The following RYR2 variants were observed in gnomAD, a reference collection of about 807,000 sequenced individuals.
RYR2 encodes the protein cardiac muscle ryanodine receptor-calcium release channel.
Under a neutral mutation model 601.1 loss-of-function variants are expected in RYR2, and 227 were observed. The ratio of observed to expected loss-of-function variants is 0.38; its 90% CI spans 0.34 to 0.42. The LOEUF (loss-of-function observed/expected upper bound fraction) is 0.42. Ranked by LOEUF, RYR2 falls within the 10% of genes least tolerant of loss-of-function variation. The pLI, the probability that RYR2 is intolerant of heterozygous loss-of-function variation, is 1.00. For missense variants in RYR2, 4,646 were observed against 6,156.5 expected, an observed-to-expected ratio of 0.75 and a Z score of 8.21; for synonymous variants, 2,223 against 2,175.1, an observed-to-expected ratio of 1.02 and a Z score of -0.61.
intron 1 of RYR2, among the ~76,000 whole-genome samples, chr1:237,183,042 G>A (rs1273414087): frequency 6.6e-6 from 1 of 152,156 alleles, no homozygotes; most frequent in Non-Finnish European, 1.5e-5. Context: ...TTGGTTTGGT[G>A]ATGAGTCTCT....
At chr1:237,290,936 T>C (rs1164148935) in intron 2 of RYR2, among the ~76,000 whole-genome samples, 2 of 152,226 alleles carry the variant, frequency 1.3e-5, no homozygotes, top group Admixed American at 6.5e-5. Context: ...TAAAGCTGCA[T>C]TCAAATTCTT....
chr1:237,404,674 T>C lies in RYR2; in HGVS notation c.774-12375T>C, dbSNP rs73104406. The stretch of plus-strand genomic sequence containing the variant: ...CATTCCCATGACTAGATTACATTAT[T>C]TGACAAAGCTGAAAGAATGTTGCAA... On this transcript the variant is annotated intron_variant, in intron 10 of 104. Coordinates refer to ENST00000366574, the MANE Select transcript of RYR2 (RefSeq NM_001035.3). Among the ~76,000 whole-genome samples, 1,406 of 152,292 alleles carry C rather than the reference T, an allele frequency of 9.2e-3. 23 individuals are homozygous for C. The highest frequency in any genetic ancestry group is 0.032 in the African/African-American group (1,338 of 41,564).
chr1:237,776,036 A>G (rs980784450), intron 87 of RYR2, among the ~76,000 whole-genome samples: 3 of 152,182 alleles, frequency 2.0e-5, no homozygotes, highest in African/African-American at 7.2e-5. Flanking sequence ...ACCCCTTGTA[A>G]TGCTTCAACT....
chr1:237,617,224 T>C (rs1262670217), intron 37 of RYR2, 62 bp from the exon 38 acceptor site: 1 of 1,414,196 alleles, frequency 7.1e-7, no homozygotes, highest in Non-Finnish European at 9.6e-7. Context: ...CAGATTATGA[T>C]TTCATACACA....
intron 101 of RYR2, among the ~76,000 whole-genome samples, chr1:237,823,221 A>G (rs970463038): frequency 2.3e-4 from 35 of 152,186 alleles, no homozygotes; most frequent in African/African-American, 8.4e-4. Flanking sequence ...AAATCAACAG[A>G]ATATACATTC....
intron 1 of RYR2, among the ~76,000 whole-genome samples, chr1:237,147,961 C>G (rs1320928216): frequency 2.6e-5 from 4 of 152,202 alleles, no homozygotes; most frequent in African/African-American, 9.7e-5. Flanking sequence ...TTTCATGGCA[C>G]CCTATCTGGT....
intron 58 of RYR2, among the ~76,000 whole-genome samples, chr1:237,673,507 C>T (rs528989667): frequency 6.6e-6 from 1 of 152,176 alleles, no homozygotes; most frequent in South Asian, 2.1e-4. Flanking sequence ...CTAAAATGTA[C>T]TTGCCCACGT....
chr1:237,725,673 C>G (rs1690133029), intron 74 of RYR2, among the ~76,000 whole-genome samples: 1 of 152,026 alleles, frequency 6.6e-6, no homozygotes, highest in South Asian at 2.1e-4. Context: ...TCACAGATAA[C>G]TATTTACTTA....
rs114029703 is a variant in RYR2 at position 237,186,925 on chromosome 1, G to A, written c.49-83572G>A. Among the ~76,000 whole-genome samples, 967 of 152,280 alleles carry A rather than the reference G, an allele frequency of 6.4e-3. 13 individuals are homozygous for A. Among genetic ancestry groups the A allele is most frequent in the African/African-American group, 0.022 (921 of 41,574 alleles). On this transcript the variant is annotated intron_variant, in intron 1 of 104. Coordinates refer to ENST00000366574, the MANE Select transcript of RYR2 (RefSeq NM_001035.3). ...AGCCTCCAGAGAGCCTTGCTCTGCCGGCCTTGAGCTCCTTCCACTGCGGCT... is the reference window on the plus strand; with the variant it reads ...AGCCTCCAGAGAGCCTTGCTCTGCCAGCCTTGAGCTCCTTCCACTGCGGCT...
chr1:237,709,434 C>A, intron 69 of RYR2, 46 bp from the exon 70 acceptor site: 6 of 1,171,702 alleles, frequency 5.1e-6, no homozygotes, highest in South Asian at 1.3e-5. Context: ...TTTAAATTAA[C>A]TTTAAGGAGT....
chr1:237,100,662 A>G (rs1667988964), intron 1 of RYR2, among the ~76,000 whole-genome samples: 1 of 152,120 alleles, frequency 6.6e-6, no homozygotes, highest in African/African-American at 2.4e-5. Flanking sequence ...CTGGGATCAC[A>G]GGCATGAGCC....
intron 1 of RYR2, among the ~76,000 whole-genome samples, chr1:237,248,122 A>C (rs1384870346): frequency 6.6e-6 from 1 of 151,870 alleles, no homozygotes; most frequent in African/African-American, 2.4e-5. Flanking sequence ...AAATACAAAA[A>C]TGAGCCGGGT....
chr1:237,330,535 G>A (rs1325767444), intron 2 of RYR2, among the ~76,000 whole-genome samples: 1 of 152,110 alleles, frequency 6.6e-6, no homozygotes, highest in African/African-American at 2.4e-5. Context: ...TTACAGGCTT[G>A]TGCCGCTGCG....
chr1:237,591,184 TC>T (rs1675153421), intron 31 of RYR2, among the ~76,000 whole-genome samples, 192 bp downstream of exon 31: 2 of 10,338 alleles, frequency 1.9e-4, no homozygotes, highest in South Asian at 6.3e-3. Flanking sequence ...CTCCCCCTTC[TC>T]CTCCTCCCCC....
chr1:237,697,138 G>A (rs2149014107), intron 63 of RYR2, among the ~76,000 whole-genome samples: 1 of 151,194 alleles, frequency 6.6e-6, no homozygotes, highest in South Asian at 2.1e-4. Context: ...CTCTTTGCTT[G>A]GAACACCAGG....
chr1:237,659,407 G>C (rs183994490), intron 54 of RYR2, among the ~76,000 whole-genome samples: 19 of 152,274 alleles, frequency 1.2e-4, no homozygotes, highest in African/African-American at 4.3e-4. Flanking sequence ...AATTATATAG[G>C]GAAATGGTGA....
At chr1:237,178,285 C>T (rs1678281164) in intron 1 of RYR2, among the ~76,000 whole-genome samples, 1 of 152,112 alleles carries the variant, frequency 6.6e-6, no homozygotes, top group Non-Finnish European at 1.5e-5. Flanking sequence ...TAATTTTTGG[C>T]TTGTCTTTTC....
intron 84 of RYR2, among the ~76,000 whole-genome samples, chr1:237,764,386 C>A (rs1693670645): frequency 6.8e-6 from 1 of 146,442 alleles, no homozygotes; most frequent in African/African-American, 2.6e-5. Flanking sequence ...TCATGTCTAC[C>A]ATTGCCTTAG....
At chr1:237,071,004 C>T (rs920516330) in intron 1 of RYR2, among the ~76,000 whole-genome samples, 1 of 152,190 alleles carries the variant, frequency 6.6e-6, no homozygotes, top group Non-Finnish European at 1.5e-5. Flanking sequence ...GGCATGTTTC[C>T]AGCCTGTTTG....
Sources: gnomAD v4.1 joint callset for allele counts (sites outside exome capture counted in the v4.1 genomes callset) on GRCh38, gnomAD v4.1.1 for gene constraint, MANE v1.5 for transcripts, NCBI Gene and HGNC (gene_info 2026-07-23, HGNC 2026-07-21) for gene names.